Variants in NOC3L observed in about 807,000 individuals in gnomAD.
NOC3L encodes nucleolar complex protein 3 homolog.
Under a neutral mutation model 102.5 loss-of-function variants are expected in NOC3L, and 85 were observed. That is an observed-to-expected ratio of 0.83 (90% CI 0.70 to 0.99). The LOEUF (loss-of-function observed/expected upper bound fraction) is 0.99, where lower values mean the gene tolerates loss of function less well. Among genes scored for constraint, NOC3L ranks in the 50% least tolerant of loss-of-function variants. The probability of loss-of-function intolerance (pLI) is 0.00; values close to 1 mark genes in which losing one functional copy is unlikely to be tolerated. For synonymous variants in NOC3L, 303 were observed against 309.4 expected (o/e 0.98, Z 0.22); for missense variants, 878 against 914.9 (o/e 0.96, Z 0.52).
the NOC3L span, among the ~76,000 whole-genome samples, chr10:94,318,336 G>A: frequency 1.3e-4 from 20 of 152,222 alleles, no homozygotes; most frequent in East Asian, 3.1e-3. Flanking sequence ...AAATTGTCTT[G>A]CCTTATTAAT....
the NOC3L span, among the ~76,000 whole-genome samples, chr10:94,319,861 GCTCT>G: frequency 1.4e-4 from 12 of 87,572 alleles, no homozygotes; most frequent in South Asian, 3.3e-4. Context: ...GCTCAAAGGT[GCTCT>G]TTTTTTTTTT....
chr10:94,339,604 G>T, intron 17 of NOC3L, 135 bp downstream of exon 17: 2 of 737,480 alleles, frequency 2.7e-6, no homozygotes, highest in Non-Finnish European at 4.2e-6. Flanking sequence ...TACCTCTTTT[G>T]TCACCTGATT....
chr10:94,328,627 G>GAATT (rs1219300282), downstream of NOC3L: 11 of 152,294 alleles, frequency 7.2e-5, no homozygotes, highest in East Asian at 1.7e-3. Flanking sequence ...TTATGGCCGA[G>GAATT]AATTAGAAGC....
the NOC3L span, chr10:94,324,614 C>CT: frequency 7.4e-7 from 1 of 1,347,560 alleles, no homozygotes; most frequent in African/African-American, 1.5e-5. Context: ...ATCTGATACC[C>CT]ATAATTACAC....
intron 7 of NOC3L, among the ~76,000 whole-genome samples, 179 bp downstream of exon 7, chr10:94,352,717 G>C (rs2054434450): frequency 6.6e-6 from 1 of 152,134 alleles, no homozygotes; most frequent in Non-Finnish European, 1.5e-5. Context: ...AGCTACTGAG[G>C]GGGCTGAGGC....
chr10:94,321,851 T>C, the NOC3L span: 1 of 1,433,880 alleles, frequency 7.0e-7, no homozygotes, highest in Non-Finnish European at 9.8e-7. Context: ...TGTCTTTCTT[T>C]ATTCTGCATA....
the NOC3L span, among the ~76,000 whole-genome samples, chr10:94,320,839 C>A: frequency 1.3e-5 from 2 of 152,114 alleles, no homozygotes; most frequent in African/African-American, 2.4e-5. Flanking sequence ...TACATAGTCA[C>A]ATACACAAAA....
chr10:94,325,672 G>GTAGA, the NOC3L span: 1 of 151,046 alleles, frequency 6.6e-6, no homozygotes, highest in Non-Finnish European at 1.5e-5. Flanking sequence ...TATTTATTTT[G>GTAGA]TAGATAAATA....
intron 10 of NOC3L, among the ~76,000 whole-genome samples, chr10:94,348,226 G>T (rs958175509): frequency 1.3e-5 from 2 of 150,584 alleles, no homozygotes; most frequent in East Asian, 1.9e-4. Flanking sequence ...ATACAAAGAT[G>T]TCAAATGGTT....
chr10:94,359,199 T>A (rs2054524410), intron 2 of NOC3L, among the ~76,000 whole-genome samples: 1 of 151,876 alleles, frequency 6.6e-6, no homozygotes, highest in African/African-American at 2.4e-5. Flanking sequence ...CCGAGACGGG[T>A]GGATTGCTTG....
At chr10:94,339,672 A>G in intron 17 of NOC3L, 67 bp downstream of exon 17, 1 of 1,258,776 alleles carries the variant, frequency 7.9e-7, no homozygotes, top group Non-Finnish European at 1.1e-6. Context: ...GGGAAAAGAC[A>G]TGCCTCAAAC....
chr10:94,335,111 C>T (rs905436546), intron 19 of NOC3L, among the ~76,000 whole-genome samples: 4 of 152,188 alleles, frequency 2.6e-5, no homozygotes, highest in Non-Finnish European at 5.9e-5. Flanking sequence ...TCTTCAGCTA[C>T]TGGCCTGGAT....
In NOC3L at chr10:94,340,278, G is replaced by A; in HGVS notation, c.1778C>T (p.Ala593Val). The A allele has an allele frequency of 6.2e-7, 1 of 1,603,812 alleles. No homozygotes were observed. Among genetic ancestry groups the A allele is most frequent in the Non-Finnish European group, 8.5e-7 (1 of 1,172,148 alleles). The part of the protein sequence containing the change: ...HLYKTLFKLH[A>V]GATNEGVEIV... ...AAACATTATCTAAACATACATACCT[G>A]CATGTAATTTGAACAGTGTTTTGTA... Residue 593 changes from alanine to valine, a missense_variant and splice_region_variant, in exon 16 of 21, where the codon GCA becomes GTA. Ala to Val is a moderately conservative substitution (Grantham distance 64). Coordinates refer to ENST00000371361, the MANE Select transcript of NOC3L (RefSeq NM_022451.11).
At chr10:94,354,863 T>G in intron 6 of NOC3L, 100 bp downstream of exon 6, 1 of 1,192,066 alleles carries the variant, frequency 8.4e-7, no homozygotes, top group Non-Finnish European at 1.2e-6. Flanking sequence ...GTTAATGCTT[T>G]TCCTTTTAGT....
Position 94,353,059 on chromosome 10 carries a change from T to C in NOC3L, c.697-2A>G, listed in dbSNP as rs1253298942. The C allele has an allele frequency of 5.6e-6, 9 of 1,598,246 alleles. No individual in the cohort carries two copies. Among genetic ancestry groups the C allele is most frequent in the Non-Finnish European group, 7.7e-6 (9 of 1,174,168 alleles). On this transcript the variant is annotated splice_acceptor_variant, in intron 6 of 20. Transcript: ENST00000371361. LOFTEE classifies it high-confidence loss of function. ...ACGTAATTCTTTCAATTTTTTAATC[T>C]GTTAAAGAAATAGCTTATAAAGCTG...
the NOC3L span, chr10:94,316,896 A>C: frequency 1.4e-6 from 1 of 712,308 alleles, no homozygotes; most frequent in African/African-American, 1.7e-5. Context: ...GTGGATGAAC[A>C]GTTTTATTCT....
At chr10:94,325,308 AG>A in the NOC3L span, 1 of 510,492 alleles carries the variant, frequency 2.0e-6, no homozygotes, top group Non-Finnish European at 3.5e-6. Context: ...ATAAAGAAAA[AG>A]GGAAAGAGGC....
Position 94,334,571 on chromosome 10 carries a change from T to TA in NOC3L, c.2274+62dup, listed in dbSNP as rs569273887. On this transcript the variant is annotated intron_variant, in intron 20 of 20. Coordinates refer to ENST00000371361, the MANE Select transcript of NOC3L (RefSeq NM_022451.11). ...ATAAAATAATTAAGCAAACTGGAGT[T>TA]AGAGTTATTGAGATACATTGGTTTC... 33 of 1,186,960 alleles carry TA rather than the reference T, an allele frequency of 2.8e-5. No individual in the cohort carries two copies. The African/African-American group carries it at 4.0e-4, about 14-fold the overall frequency. 73.5% of individuals were successfully genotyped at this position (1,186,960 alleles called of 1,614,324 possible). A position where few individuals can be genotyped will look rare whatever the true frequency, so the allele number is the denominator to read the frequency against.
Position 94,353,035 on chromosome 10 carries a change from C to G in NOC3L, c.719G>C (p.Arg240Pro). ...ENNIKKLKEL[R>P]SMLMEQDPDV... ...AGGATCTTGTTCCATCAACATAGAA[C>G]GTAATTCTTTCAATTTTTTAATCTG... The change falls in exon 7 of 21, where the codon CGT (arginine) becomes CCT (proline). Residue 240 changes from arginine (R) to proline (P), a missense_variant. By Grantham distance (103) the Arg-to-Pro change is moderately radical (BLOSUM62 -2). Coordinates refer to ENST00000371361, the MANE Select transcript of NOC3L (RefSeq NM_022451.11). The G allele has an allele frequency of 6.2e-7, 1 of 1,604,870 alleles. No homozygotes were observed. Among genetic ancestry groups the G allele is most frequent in the Non-Finnish European group, 8.5e-7 (1 of 1,177,654 alleles).
Sources: allele counts gnomAD v4.1 joint callset (sites outside exome capture counted in the v4.1 genomes callset), GRCh38; gene constraint gnomAD v4.1.1; transcripts MANE v1.5; gene names NCBI Gene and HGNC (gene_info 2026-07-23, HGNC 2026-07-21).